Variants in PHKB observed in about 807,000 individuals in gnomAD.
The protein encoded by PHKB is phosphorylase kinase regulatory subunit beta.
PHKB carries 122 observed loss-of-function variants against 152.1 expected under a neutral mutation model. The observed-to-expected ratio is 0.80, with a 90% confidence interval of 0.69 to 0.93. PHKB has a LOEUF of 0.93. PHKB is among the 40% of genes least tolerant of loss of function. The pLI is 0.00. For missense variants in PHKB, 1,304 were observed against 1,328.4 expected, an observed-to-expected ratio of 0.98 and a Z score of 0.29; for synonymous variants, 436 against 464.9, an observed-to-expected ratio of 0.94 and a Z score of 0.80.
intron 26 of PHKB, among the ~76,000 whole-genome samples, chr16:47,677,919 C>G (rs182578518): frequency 7.7e-6 from 1 of 130,052 alleles, no homozygotes; most frequent in South Asian, 3.2e-4. Context: ...TCCCTCCCCC[C>G]TCCCCCGACC....
At chr16:47,540,870 A>G (rs1316817398) in intron 6 of PHKB, among the ~76,000 whole-genome samples, 3 of 121,968 alleles carry the variant, frequency 2.5e-5, no homozygotes, top group Non-Finnish European at 4.8e-5. Flanking sequence ...CCTGTTGCCC[A>G]GGCTGGAGTG....
intron 6 of PHKB, among the ~76,000 whole-genome samples, chr16:47,543,080 G>A (rs1971091220): frequency 6.6e-6 from 1 of 152,158 alleles, no homozygotes; most frequent in African/African-American, 2.4e-5. Context: ...TCTTGTGCCA[G>A]TTTTCAAAGG....
At chr16:47,631,092 G>A (rs148513582) in intron 14 of PHKB, among the ~76,000 whole-genome samples, 9 of 152,180 alleles carry the variant, frequency 5.9e-5, no homozygotes, top group African/African-American at 1.9e-4. Context: ...GCCTGCCTCC[G>A]TAATTGTGTG....
In PHKB at chr16:47,649,080, T is replaced by C. The variant is rs753468262; in HGVS notation, c.1693-20T>C. ...TGGTATGTTCTTTAGTTATTTGTTT[T>C]AAAACTTTTTCCCTTACAGATTTAT... On this transcript the variant is annotated intron_variant, in intron 17 of 30. Coordinates refer to ENST00000323584, the MANE Select transcript of PHKB (RefSeq NM_000293.3). 2.2e-6 allele frequency: 3 copies of C among 1,385,236 alleles called. No individual in the cohort carries two copies. The South Asian group carries it at 3.5e-5, about 16-fold the overall frequency. The allele number at this position is 1,385,236 out of a possible 1,614,324, so 85.8% of individuals were successfully genotyped here.
chr16:47,534,205 G>A (rs955785292), intron 6 of PHKB, among the ~76,000 whole-genome samples: 12 of 152,172 alleles, frequency 7.9e-5, no homozygotes, highest in East Asian at 7.7e-4. Context: ...ATGGCCCACC[G>A]CTGCCATCAC....
rs556494472 is a variant in PHKB at position 47,680,383 on chromosome 16, T to G, written c.2631-8658T>G. 1.1e-4 allele frequency among the ~76,000 whole-genome samples: 16 copies of G among 152,326 alleles called. No individual in the cohort carries two copies. In the South Asian group the frequency reaches 3.3e-3, roughly 32 times the overall value. On this transcript the variant is annotated intron_variant, in intron 26 of 30. Transcript: ENST00000323584. The stretch of plus-strand genomic sequence containing the variant: ...TTGTACCTCTGGTAGAATTTGGCTG[T>G]GAATCCATCTGGTCCTGGACTATTT...
chr16:47,619,484 C>A (rs1273122068), intron 14 of PHKB: 1 of 152,050 alleles, frequency 6.6e-6, no homozygotes, highest in African/African-American at 2.4e-5. Flanking sequence ...TTTCTTCTTC[C>A]CTGTTATGCT....
At position 47,682,309 on chromosome 16, in the gene PHKB, C is replaced by T. The variant is rs577905661; in HGVS notation, c.2631-6732C>T. On this transcript the variant is annotated intron_variant, in intron 26 of 30. Transcript: ENST00000323584. ...TTTCCTGGATCTGAATATTGGTCTG[C>T]GTTGCTAGATTGGGGAAGTATTGTC... 8.5e-5 allele frequency among the ~76,000 whole-genome samples: 13 copies of T among 152,194 alleles called. No homozygotes were observed. The East Asian group carries it at 1.7e-3, about 20-fold the overall frequency.
At position 47,477,778 on chromosome 16, in the gene PHKB, C is replaced by T. The variant is rs569823219; in HGVS notation, c.76+16352C>T. 9.2e-5 allele frequency among the ~76,000 whole-genome samples: 14 copies of T among 152,156 alleles called. 1 individual carries two copies. Among genetic ancestry groups the T allele is most frequent in the South Asian group, 4.2e-4 (2 of 4,814 alleles). ...ATCTCTGTGTACTGATTTTTTCTTT[C>T]CCTGAAGAGAAAATGGAAGAAATCA... On this transcript the variant is annotated intron_variant, in intron 1 of 30. Coordinates refer to ENST00000323584, the MANE Select transcript of PHKB (RefSeq NM_000293.3).
chr16:47,473,218 ATTTTTTTTTT>A (rs1043960499), intron 1 of PHKB, among the ~76,000 whole-genome samples: 64 of 48,764 alleles, frequency 1.3e-3, no homozygotes, highest in South Asian at 3.7e-3. Context: ...TGCCTGGCTA[ATTTTTTTTTT>A]TTTTTTTTTT....
At chr16:47,570,780 A>G (rs964172562) in intron 7 of PHKB, among the ~76,000 whole-genome samples, 1 of 151,820 alleles carries the variant, frequency 6.6e-6, no homozygotes, top group African/African-American at 2.4e-5. Context: ...CTGGTATTTC[A>G]AAGATTTAAT....
intron 20 of PHKB, among the ~76,000 whole-genome samples, chr16:47,659,949 C>T (rs943006222): frequency 6.6e-6 from 1 of 152,154 alleles, no homozygotes; most frequent in Non-Finnish European, 1.5e-5. Context: ...CTGCAGCCTC[C>T]ACCTTCTAGG....
At chr16:47,565,238 TC>T (rs1477816798) in intron 7 of PHKB, 4 of 680,738 alleles carry the variant, frequency 5.9e-6, no homozygotes, top group Non-Finnish European at 1.1e-5. Flanking sequence ...ATCTTTCCTA[TC>T]TGACTCCGTT....
Position 47,556,737 on chromosome 16 carries a change from G to T in PHKB, c.710+9189G>T, listed in dbSNP as rs532066083. The stretch of plus-strand genomic sequence containing the variant: ...ATATTGGTCTAAAATTCTCTTTTTT[G>T]GTTGTGTCTCTGCCAGGCTTTGGTA... On this transcript the variant is annotated intron_variant, in intron 7 of 30. Transcript: ENST00000323584. Among the ~76,000 whole-genome samples, 14 of 152,068 alleles carry T rather than the reference G, an allele frequency of 9.2e-5. No individual in the cohort carries two copies. In the East Asian group the frequency reaches 1.9e-3, roughly 21 times the overall value.
chr16:47,583,978 T>C (rs1057043044), intron 8 of PHKB, among the ~76,000 whole-genome samples: 6 of 152,146 alleles, frequency 3.9e-5, no homozygotes, highest in Non-Finnish European at 7.4e-5. Context: ...TGTTGGGTGG[T>C]AAAGTTTTTT....
chr16:47,546,065 A>G (rs1178772389), intron 6 of PHKB, among the ~76,000 whole-genome samples: 1 of 152,106 alleles, frequency 6.6e-6, no homozygotes, highest in Non-Finnish European at 1.5e-5. Context: ...TAATTTTGTT[A>G]TTACCAACTT....
In PHKB at chr16:47,650,623, T is replaced by C; in HGVS notation, c.1877T>C (p.Ile626Thr). 6.3e-7 allele frequency: 1 copy of C among 1,598,260 alleles called. No individual in the cohort carries two copies. Among genetic ancestry groups the C allele is most frequent in the Non-Finnish European group, 8.6e-7 (1 of 1,165,690 alleles). The change falls in exon 19 of 31, where the codon ATA becomes ACA. Residue 626 changes from isoleucine (I) to threonine (T), a missense_variant. By Grantham distance (89) the Ile-to-Thr change is moderately conservative. Coordinates refer to ENST00000323584, the MANE Select transcript of PHKB (RefSeq NM_000293.3). ...LFLVLIREDN[I>T]RGSRFNPILD... is the part of the protein sequence containing the mutation. Reference sequence around the variant, plus strand: ...CTTGTTCTCATCCGGGAAGACAATATAAGGTAGGTTGATAAAAGAAGTAAG... The same window carrying C: ...CTTGTTCTCATCCGGGAAGACAATACAAGGTAGGTTGATAAAAGAAGTAAG...
chr16:47,687,208 TAGA>T (rs1401336386), intron 26 of PHKB, among the ~76,000 whole-genome samples: 1 of 152,168 alleles, frequency 6.6e-6, no homozygotes, highest in Non-Finnish European at 1.5e-5. Flanking sequence ...ATAAAATAAG[TAGA>T]AGACAATTCT....
intron 24 of PHKB, chr16:47,663,948 G>T (rs894418593): frequency 5.0e-6 from 3 of 599,770 alleles, no homozygotes; most frequent in Non-Finnish European, 8.9e-6. Flanking sequence ...TGTAGGGATT[G>T]AACCTGAAGA....
Sources: gnomAD v4.1 joint callset for allele counts (sites outside exome capture counted in the v4.1 genomes callset) on GRCh38, gnomAD v4.1.1 for gene constraint, MANE v1.5 for transcripts, NCBI Gene and HGNC (gene_info 2026-07-23, HGNC 2026-07-21) for gene names.